The following VPS13B variants were observed in gnomAD, a reference collection of about 807,000 sequenced individuals.
VPS13B encodes intermembrane lipid transfer protein VPS13B.
VPS13B carries 285 observed loss-of-function variants against 426.4 expected under a neutral mutation model. That is an observed-to-expected ratio of 0.67 (90% confidence interval 0.61 to 0.74). The LOEUF (loss-of-function observed/expected upper bound fraction) is 0.74, where lower values mean the gene tolerates loss of function less well. Ranked by LOEUF, VPS13B falls within the 30% of genes least tolerant of loss-of-function variation. The pLI, the probability that VPS13B is intolerant of heterozygous loss-of-function variation, is 0.00. For missense variants in VPS13B, 4,537 were observed against 4,782.6 expected, an observed-to-expected ratio of 0.95 and a Z score of 1.51; for synonymous variants, 1,676 against 1,676.4, an observed-to-expected ratio of 1.00 and a Z score of 0.01.
At chr8:99,267,349 G>A (rs1036999967) in intron 17 of VPS13B, among the ~76,000 whole-genome samples, 10 of 152,124 alleles carry the variant, frequency 6.6e-5, no homozygotes, top group African/African-American at 2.4e-5. Flanking sequence ...TGGGGTATCT[G>A]GCAGAAGAAA....
Position 99,476,783 on chromosome 8 carries a change from C to T in VPS13B, c.3667-4816C>T, listed in dbSNP as rs570045350. On this transcript the variant is annotated intron_variant, in intron 24 of 61. Transcript: ENST00000357162. ...GAAAAACATTTTCAGAGAAAAGACT[C>T]TATCACCAGTAGGAACTGCATACAG... Among the ~76,000 whole-genome samples the T allele has an allele frequency of 2.8e-4, 43 of 152,268 alleles. No individual in the cohort carries two copies. The East Asian group carries it at 7.9e-3, about 28-fold the overall frequency.
In VPS13B at chr8:99,720,417, GA is replaced by G. The variant is rs1833089251; in HGVS notation, c.6731del (p.Glu2244GlyfsTer48). The G allele has an allele frequency of 6.8e-6, 11 of 1,613,932 alleles. No individual in the cohort carries two copies. The highest frequency in any genetic ancestry group is 9.3e-6 in the Non-Finnish European group (11 of 1,179,908). On this transcript the variant is annotated frameshift_variant, in exon 38 of 62. Transcript: ENST00000357162. LOFTEE classifies it high-confidence loss of function. The stretch of plus-strand genomic sequence containing the variant: ...ATTACTCAATGGATACCTTAATGAG[GA>G]GGGAAATTTTGAAGTACAAGTTTCT... ...HELLNGYLNE[E>X]GNFEVQVSEP...
chr8:99,423,119 CCTTT>C (rs1816469104), intron 21 of VPS13B, among the ~76,000 whole-genome samples: 1 of 152,036 alleles, frequency 6.6e-6, no homozygotes, highest in South Asian at 2.1e-4. Flanking sequence ...TCTCTCCTTT[CCTTT>C]CTTTCTTTTT....
In VPS13B at chr8:99,641,801, T is replaced by C; in HGVS notation, c.5221-10T>C. 6.2e-7 allele frequency: 1 copy of C among 1,604,360 alleles called. No individual in the cohort carries two copies. The highest frequency in any genetic ancestry group is 1.1e-5 in the South Asian group (1 of 90,538). ...CTAGTTTGAAATATTTTATTACTTT[T>C]TTCTTACAGATCTCTAAACAAGAAC... On this transcript the variant is annotated splice_polypyrimidine_tract_variant and intron_variant, in intron 33 of 61. Coordinates refer to ENST00000357162, the MANE Select transcript of VPS13B (RefSeq NM_152564.5).
intron 17 of VPS13B, among the ~76,000 whole-genome samples, chr8:99,246,490 G>A (rs1486453858): frequency 6.6e-6 from 1 of 152,176 alleles, no homozygotes; most frequent in East Asian, 1.9e-4. Flanking sequence ...CAACACCAGA[G>A]TTAAATAAAT....
chr8:99,837,804 A>G (rs564007094), intron 54 of VPS13B, among the ~76,000 whole-genome samples: 1 of 152,346 alleles, frequency 6.6e-6, no homozygotes, highest in Non-Finnish European at 1.5e-5. Context: ...CTCTGATGAA[A>G]GGAAGGAGCA....
chr8:99,834,062 A>G (rs1815235915), intron 52 of VPS13B, among the ~76,000 whole-genome samples: 1 of 152,236 alleles, frequency 6.6e-6, no homozygotes, highest in Admixed American at 6.5e-5. Flanking sequence ...CTAATGGACC[A>G]TTCACTTTGA....
intron 47 of VPS13B, among the ~76,000 whole-genome samples, chr8:99,819,196 A>G (rs1271849381): frequency 6.6e-6 from 1 of 152,118 alleles, no homozygotes; most frequent in East Asian, 1.9e-4. Context: ...GTGGTGAAAG[A>G]AGATGTGAAT....
intron 5 of VPS13B, among the ~76,000 whole-genome samples, chr8:99,104,551 C>T (rs538403198): frequency 4.0e-5 from 6 of 150,174 alleles, no homozygotes; most frequent in South Asian, 4.3e-4. Context: ...CCTCCCCTCT[C>T]CCCACCGTCC....
intron 25 of VPS13B, 81 bp downstream of exon 25, chr8:99,481,883 T>C (rs1354688205): frequency 6.8e-7 from 1 of 1,478,612 alleles, no homozygotes; most frequent in Non-Finnish European, 9.2e-7. Context: ...AAAATGAAGA[T>C]AACCTCACTA....
rs534546671 is a variant in VPS13B, at chr8:99,708,843, C to A, written c.6455-8328C>A. On this transcript the variant is annotated intron_variant, in intron 36 of 61. Coordinates refer to ENST00000357162, the MANE Select transcript of VPS13B (RefSeq NM_152564.5). ...TCTCTCTCTCTGTCTCTCTCTCTCT[C>A]TCTCTCTATATATATATATAGGCTC... Among the ~76,000 whole-genome samples the A allele has an allele frequency of 4.6e-4, 67 of 144,674 alleles. 1 individual carries two copies. Among genetic ancestry groups the A allele is most frequent in the South Asian group, 3.6e-3 (16 of 4,478 alleles). The allele number at this position is 144,674 out of a possible 152,430, so 94.9% of individuals were successfully genotyped here.
At chr8:99,476,694 A>G (rs1426406149) in intron 24 of VPS13B, among the ~76,000 whole-genome samples, 4 of 152,172 alleles carry the variant, frequency 2.6e-5, no homozygotes, top group Non-Finnish European at 5.9e-5. Context: ...TAAAAAATAA[A>G]ACGTTGCAAT....
At chr8:99,538,319 ATATT>A (rs898266806) in intron 30 of VPS13B, among the ~76,000 whole-genome samples, 66 of 152,168 alleles carry the variant, frequency 4.3e-4, no homozygotes, top group African/African-American at 1.5e-3. Flanking sequence ...AGGTTTTTAA[ATATT>A]TATTCAGTTT....
chr8:99,751,385 A>G (rs905183008), intron 39 of VPS13B, among the ~76,000 whole-genome samples: 1 of 152,136 alleles, frequency 6.6e-6, no homozygotes, highest in East Asian at 1.9e-4. Flanking sequence ...TTTAATTTGG[A>G]CTGTAAAGAC....
intron 35 of VPS13B, among the ~76,000 whole-genome samples, chr8:99,694,980 A>T (rs1320255706): frequency 6.6e-6 from 1 of 150,778 alleles, no homozygotes; most frequent in Non-Finnish European, 1.5e-5. Context: ...GAGAAATGCA[A>T]ATCAAAACCA....
intron 60 of VPS13B, 151 bp from the exon 61 acceptor site, chr8:99,871,297 C>G (rs1817398797): frequency 8.3e-7 from 1 of 1,199,036 alleles, no homozygotes; most frequent in Admixed American, 1.8e-5. Context: ...AGTCTGAGAA[C>G]TGACAATTAC....
At chr8:99,268,747 G>C (rs375433108) in intron 17 of VPS13B, among the ~76,000 whole-genome samples, 1 of 152,210 alleles carries the variant, frequency 6.6e-6, no homozygotes, top group African/African-American at 2.4e-5. Context: ...AAGACTTTGG[G>C]GGAGTTTTGG....
chr8:99,704,040 T>A (rs1832397964), intron 36 of VPS13B, among the ~76,000 whole-genome samples: 1 of 152,092 alleles, frequency 6.6e-6, no homozygotes, highest in African/African-American at 2.4e-5. Context: ...TTAGTCAGAA[T>A]AGGGAAGAAG....
intron 2 of VPS13B, among the ~76,000 whole-genome samples, chr8:99,031,538 A>G (rs143864868): frequency 6.6e-6 from 1 of 152,262 alleles, no homozygotes; most frequent in African/African-American, 2.4e-5. Context: ...TTTATGAAGT[A>G]GTTTTCGTAG....
Sources: gnomAD v4.1 joint callset for allele counts (sites outside exome capture counted in the v4.1 genomes callset) on GRCh38, gnomAD v4.1.1 for gene constraint, MANE v1.5 for transcripts, NCBI Gene and HGNC (gene_info 2026-07-23, HGNC 2026-07-21) for gene names.